The following SMURF1 variants were observed in gnomAD, a reference collection of about 807,000 sequenced individuals.
SMURF1 encodes SMAD specific E3 ubiquitin protein ligase 1.
SMURF1 carries 44 observed loss-of-function variants against 98.0 expected under a neutral mutation model. The observed-to-expected ratio is 0.45, with a 90% CI of 0.35 to 0.58. The LOEUF (loss-of-function observed/expected upper bound fraction) is 0.58. SMURF1 is among the 20% of genes least tolerant of loss of function. SMURF1 has a pLI of 0.00. For synonymous variants in SMURF1, 396 were observed against 374.9 expected (o/e 1.06, Z -0.65); for missense variants, 687 against 938.4 (o/e 0.73, Z 3.50).
At chr7:99,138,733 A>C (rs981653739) in intron 1 of SMURF1, among the ~76,000 whole-genome samples, 1 of 152,252 alleles carries the variant, frequency 6.6e-6, no homozygotes, top group Admixed American at 6.5e-5. Context: ...AAAGGAAAAA[A>C]AAATGGATTT....
intron 13 of SMURF1, among the ~76,000 whole-genome samples, chr7:99,039,841 C>G: frequency 6.6e-6 from 1 of 152,220 alleles, no homozygotes; most frequent in East Asian, 1.9e-4. Flanking sequence ...CACGGTTCAT[C>G]TTGTCACTGC....
chr7:99,103,956 G>C (rs530538027), intron 1 of SMURF1, among the ~76,000 whole-genome samples: 1 of 151,080 alleles, frequency 6.6e-6, no homozygotes, highest in East Asian at 1.9e-4. Flanking sequence ...GCAGTGGTGC[G>C]ATCTCAGCTC....
intron 1 of SMURF1, among the ~76,000 whole-genome samples, chr7:99,100,472 T>A (rs1797052717): frequency 6.6e-6 from 1 of 152,184 alleles, no homozygotes; most frequent in Non-Finnish European, 1.5e-5. Flanking sequence ...GGAGAATCGC[T>A]TTAACCTGGG....
chr7:99,033,798 T>C (rs1795012543), intron 16 of SMURF1, among the ~76,000 whole-genome samples: 1 of 152,200 alleles, frequency 6.6e-6, no homozygotes, highest in Admixed American at 6.5e-5. Flanking sequence ...AGGCCCCTTC[T>C]TGCTCAGGTG....
At chr7:99,085,196 C>CA (rs1350562921) in intron 1 of SMURF1, among the ~76,000 whole-genome samples, 1 of 151,308 alleles carries the variant, frequency 6.6e-6, no homozygotes, top group East Asian at 1.9e-4. Flanking sequence ...ACTAAAAATA[C>CA]AAAAAAATTA....
Position 99,057,563 on chromosome 7 carries a change from G to A in SMURF1, c.204-12C>T, listed in dbSNP as rs1256730197. 5 of 1,516,926 alleles carry A rather than the reference G, an allele frequency of 3.3e-6. No individual in the cohort carries two copies. The highest frequency in any genetic ancestry group is 2.5e-5 in the East Asian group (1 of 40,720). The allele number at this position is 1,516,926 out of a possible 1,614,324, so 94.0% of individuals were successfully genotyped here. On this transcript the variant is annotated splice_polypyrimidine_tract_variant and intron_variant, in intron 3 of 17. Transcript: ENST00000361368. ...TTTTCCCAACATATCTGGAAAGAAA[G>A]TGCAAAACTCATTTTTAATTGTGTT...
chr7:99,088,201 T>C (rs1347765376), intron 1 of SMURF1, among the ~76,000 whole-genome samples: 1 of 150,942 alleles, frequency 6.6e-6, no homozygotes, highest in African/African-American at 2.4e-5. Context: ...GAGGCTGCAG[T>C]GAGCCGAGAT....
chr7:99,117,346 TTTGG>T lies in SMURF1; in HGVS notation c.55+26376_55+26379del, dbSNP rs886414598. Among the ~76,000 whole-genome samples, 85 of 149,486 alleles carry T rather than the reference TTTGG, an allele frequency of 5.7e-4. 1 individual carries two copies. The highest frequency in any genetic ancestry group is 2.1e-3 in the African/African-American group (82 of 39,150). On this transcript the variant is annotated intron_variant, in intron 1 of 17. Transcript: ENST00000361368. Reference sequence around the variant, plus strand: ...TACCAAAAGCACAAACAACGCTTTTTTTGGTTTTGTTTTTGTTTTTGAGACAGAG... The same window carrying T: ...TACCAAAAGCACAAACAACGCTTTTTTTTTGTTTTTGTTTTTGAGACAGAG...
chr7:99,100,196 G>A (rs1451677315), intron 1 of SMURF1, among the ~76,000 whole-genome samples: 6 of 151,364 alleles, frequency 4.0e-5, no homozygotes, highest in Non-Finnish European at 8.8e-5. Context: ...CTAAGCAAAA[G>A]GAAAGATGTT....
intron 1 of SMURF1, among the ~76,000 whole-genome samples, chr7:99,087,448 C>T (rs903823637): frequency 1.3e-5 from 2 of 152,106 alleles, no homozygotes; most frequent in Admixed American, 6.5e-5. Flanking sequence ...GCATTTGCTT[C>T]TTATAAGTCT....
chr7:99,080,289 G>A (rs1796551718), intron 1 of SMURF1, among the ~76,000 whole-genome samples: 1 of 148,172 alleles, frequency 6.7e-6, no homozygotes, highest in Non-Finnish European at 1.5e-5. Context: ...ACCTAGATAA[G>A]TTTTTTGTTT....
At chr7:99,114,100 A>C (rs1797388732) in intron 1 of SMURF1, among the ~76,000 whole-genome samples, 2 of 152,156 alleles carry the variant, frequency 1.3e-5, no homozygotes, top group South Asian at 4.1e-4. Context: ...ATATAAGAGC[A>C]AAGTTTTTAT....
chr7:99,123,572 G>A (rs2150628117), intron 1 of SMURF1, among the ~76,000 whole-genome samples: 1 of 152,190 alleles, frequency 6.6e-6, no homozygotes, highest in African/African-American at 2.4e-5. Context: ...ATATTAGGTT[G>A]GTAAGAGGGG....
chr7:99,124,818 T>C (rs1211499994), intron 1 of SMURF1, among the ~76,000 whole-genome samples: 1 of 152,200 alleles, frequency 6.6e-6, no homozygotes, highest in African/African-American at 2.4e-5. Context: ...AACTTCCCTC[T>C]GAATGCCACT....
chr7:99,137,047 TCTAACA>T (rs1442332347), intron 1 of SMURF1, among the ~76,000 whole-genome samples: 8 of 152,232 alleles, frequency 5.3e-5, no homozygotes, highest in African/African-American at 1.9e-4. Flanking sequence ...GGTTTTGGCT[TCTAACA>T]CTATTTCTCT....
chr7:99,094,192 G>A (rs1796892202), intron 1 of SMURF1, among the ~76,000 whole-genome samples: 2 of 152,196 alleles, frequency 1.3e-5, no homozygotes, highest in Admixed American at 6.5e-5. Flanking sequence ...AACCTCTTCT[G>A]TAAGAAAGAA....
chr7:99,038,272 T>C (rs1795231617), intron 14 of SMURF1, 116 bp downstream of exon 14: 1 of 1,263,490 alleles, frequency 7.9e-7, no homozygotes, highest in Non-Finnish European at 1.1e-6. Context: ...TGTGATCTGA[T>C]CATAAGCACC....
At chr7:99,059,355 G>A (rs556910207) in intron 3 of SMURF1, among the ~76,000 whole-genome samples, 5 of 143,772 alleles carry the variant, frequency 3.5e-5, no homozygotes, top group Non-Finnish European at 6.0e-5. Flanking sequence ...CCGAGATCCC[G>A]CCACTGCACT....
chr7:99,060,040 T>A (rs1426307458), intron 3 of SMURF1, among the ~76,000 whole-genome samples: 1 of 151,736 alleles, frequency 6.6e-6, no homozygotes, highest in East Asian at 1.9e-4. Context: ...GATTGAAAAG[T>A]TTGAGGATCA....
Sources: allele counts gnomAD v4.1 joint callset (sites outside exome capture counted in the v4.1 genomes callset), GRCh38; gene constraint gnomAD v4.1.1; transcripts MANE v1.5; gene names NCBI Gene and HGNC (gene_info 2026-07-23, HGNC 2026-07-21).